The following SORL1 variants were observed in gnomAD, a reference collection of about 807,000 sequenced individuals.
SORL1 encodes the protein sortilin-related receptor.
In SORL1, 127 loss-of-function variants were observed where a neutral mutation model predicts 273.7. The ratio of observed to expected loss-of-function variants is 0.46; its 90% CI spans 0.40 to 0.54. The LOEUF (loss-of-function observed/expected upper bound fraction) is 0.54, where lower values mean the gene tolerates loss of function less well. Ranked by LOEUF, SORL1 falls within the 20% of genes least tolerant of loss-of-function variation. The pLI, the probability that SORL1 is intolerant of heterozygous loss-of-function variation, is 0.00. For missense variants in SORL1, 2,494 were observed against 2,846.1 expected, an observed-to-expected ratio of 0.88 and a Z score of 2.81; for synonymous variants, 1,031 against 1,067.4, an observed-to-expected ratio of 0.97 and a Z score of 0.66.
chr11:121,572,819 C>T lies in SORL1; in HGVS notation c.3338-1422C>T, dbSNP rs187159278. On this transcript the variant is annotated intron_variant, in intron 23 of 47. Transcript: ENST00000260197. ...CTCAGGGTTTTGACGCGAATCCCTGCAGTCTTGTCATTTTGCATTCATCCC... is the reference window on the plus strand; with the variant it reads ...CTCAGGGTTTTGACGCGAATCCCTGTAGTCTTGTCATTTTGCATTCATCCC... Among the ~76,000 whole-genome samples the T allele has an allele frequency of 2.4e-3, 371 of 152,236 alleles. 1 individual carries two copies. The highest frequency in any genetic ancestry group is 8.4e-3 in the African/African-American group (350 of 41,534).
At chr11:121,545,547 A>G in intron 14 of SORL1, 118 bp downstream of exon 14, 1 of 909,772 alleles carries the variant, frequency 1.1e-6, no homozygotes, top group Non-Finnish European at 1.7e-6. Flanking sequence ...GAAGGAAACA[A>G]GTATTTGTGA....
chr11:121,518,414 G>A (rs1383587760), intron 8 of SORL1, among the ~76,000 whole-genome samples: 1 of 152,170 alleles, frequency 6.6e-6, no homozygotes, highest in East Asian at 1.9e-4. Context: ...GAGCATGTGA[G>A]GTACAGGAAG....
chr11:121,579,872 C>T (rs1474689790), intron 25 of SORL1, among the ~76,000 whole-genome samples: 2 of 152,194 alleles, frequency 1.3e-5, no homozygotes, highest in Admixed American at 6.5e-5. Context: ...GAGTGGCAAA[C>T]TCTTTCAAGG....
Position 121,630,237 on chromosome 11 carries a change from T to A in SORL1, c.*674T>A, listed in dbSNP as rs1478172372. ...GCAGGAGAGAGCACTGAGTCATTGC[T>A]GGAGTTCAGTTCAACAGAGCTGCAG... is the stretch of plus-strand genomic sequence containing the variant. On this transcript the variant is annotated 3_prime_UTR_variant, in exon 48 of 48. Transcript: ENST00000260197. 3 of 152,334 alleles carry A rather than the reference T, an allele frequency of 2.0e-5. No individual in the cohort carries two copies. The highest frequency in any genetic ancestry group is 4.4e-5 in the Non-Finnish European group (3 of 68,128). The allele number at this position is 152,334 out of a possible 1,614,324, so 9.4% of individuals were successfully genotyped here. A position where few individuals can be genotyped will look rare whatever the true frequency, so the allele number is the denominator to read the frequency against.
At chr11:121,496,746 G>A (rs766541228) in intron 5 of SORL1, 123 bp from the exon 6 acceptor site, 11 of 736,324 alleles carry the variant, frequency 1.5e-5, no homozygotes, top group Non-Finnish European at 2.4e-5. Context: ...GGCACAGAGA[G>A]TATGATCTGT....
intron 12 of SORL1, among the ~76,000 whole-genome samples, chr11:121,533,396 C>T (rs761693908): frequency 3.9e-5 from 6 of 152,096 alleles, no homozygotes; most frequent in East Asian, 1.9e-4. Flanking sequence ...TTTTCGATTG[C>T]GTCCTACATT....
At chr11:121,490,784 T>G (rs1209016168) in intron 5 of SORL1, among the ~76,000 whole-genome samples, 3 of 152,108 alleles carry the variant, frequency 2.0e-5, no homozygotes, top group Non-Finnish European at 4.4e-5. Flanking sequence ...TCATAACATT[T>G]TCTTGAATGT....
chr11:121,490,664 C>T (rs901552843), intron 5 of SORL1, among the ~76,000 whole-genome samples: 1 of 148,224 alleles, frequency 6.7e-6, no homozygotes, highest in Non-Finnish European at 1.5e-5. Flanking sequence ...CTGCTTCAAC[C>T]TGGGAGGCAG....
chr11:121,586,715 G>C (rs1386401801), intron 27 of SORL1, among the ~76,000 whole-genome samples: 4 of 126,028 alleles, frequency 3.2e-5, no homozygotes, highest in Admixed American at 2.4e-4. Context: ...CGGGGGGGGG[G>C]CATTTTTAGG....
In SORL1 at chr11:121,466,183, A is replaced by G. The variant is rs114865708; in HGVS notation, c.286-3824A>G. Among the ~76,000 whole-genome samples, 718 of 152,284 alleles carry G rather than the reference A, an allele frequency of 4.7e-3. 5 individuals are homozygous for G. Among genetic ancestry groups the G allele is most frequent in the African/African-American group, 0.017 (692 of 41,550 alleles). On this transcript the variant is annotated intron_variant, in intron 1 of 47. Coordinates refer to ENST00000260197, the MANE Select transcript of SORL1 (RefSeq NM_003105.6). ...AAGCTCCAGCTATGCCCTGTGAGCT[A>G]GACAGGGGAGAGGGAAGGTTGTTCA...
intron 24 of SORL1, chr11:121,577,019 A>G (rs770852261): frequency 2.4e-5 from 33 of 1,365,418 alleles, no homozygotes; most frequent in Non-Finnish European, 3.2e-5. Context: ...ATGAATGGAC[A>G]AGGATGCTGT....
rs772783758 is a variant in SORL1, at chr11:121,574,229, A to C, written c.3338-12A>C. On this transcript the variant is annotated splice_polypyrimidine_tract_variant and intron_variant, in intron 23 of 47. Coordinates refer to ENST00000260197, the MANE Select transcript of SORL1 (RefSeq NM_003105.6). Reference sequence around the variant, plus strand: ...TACCTAAGGAATATGTTGTCTTTCTATCCCATTTTAGCTACCACCATCTGT... The same window carrying C: ...TACCTAAGGAATATGTTGTCTTTCTCTCCCATTTTAGCTACCACCATCTGT... 6.2e-7 allele frequency: 1 copy of C among 1,613,422 alleles called. No homozygotes were observed. The highest frequency in any genetic ancestry group is 2.2e-5 in the East Asian group (1 of 44,872).
chr11:121,478,700 CTG>C (rs977822963), intron 3 of SORL1, among the ~76,000 whole-genome samples: 1 of 149,080 alleles, frequency 6.7e-6, no homozygotes, highest in Non-Finnish European at 1.5e-5. Flanking sequence ...GTGTGGGTAC[CTG>C]TGTGTGTGTG....
intron 21 of SORL1, among the ~76,000 whole-genome samples, chr11:121,562,566 G>A (rs1047055809): frequency 6.6e-6 from 1 of 152,144 alleles, no homozygotes; most frequent in African/African-American, 2.4e-5. Context: ...TGATGCTGCC[G>A]GCTCATTAGT....
intron 41 of SORL1, among the ~76,000 whole-genome samples, chr11:121,616,299 G>T (rs1863639768): frequency 6.6e-6 from 1 of 152,152 alleles, no homozygotes; most frequent in Non-Finnish European, 1.5e-5. Flanking sequence ...ACTAAAGGTG[G>T]CTTTCAGAGG....
At chr11:121,517,583 T>C (rs1488098416) in intron 8 of SORL1, among the ~76,000 whole-genome samples, 1 of 152,260 alleles carries the variant, frequency 6.6e-6, no homozygotes, top group Non-Finnish European at 1.5e-5. Context: ...TTTTCTCGTC[T>C]TCCTCATTTG....
intron 43 of SORL1, among the ~76,000 whole-genome samples, chr11:121,620,598 C>A (rs10892760): frequency 0.39 from 59,615 of 151,798 alleles, 13,332 homozygotes; most frequent in South Asian, 0.57. Context: ...TTACTATATG[C>A]CCTGTTATTT....
At chr11:121,604,798 T>C (rs1863444502) in intron 33 of SORL1, among the ~76,000 whole-genome samples, 1 of 152,170 alleles carries the variant, frequency 6.6e-6, no homozygotes, top group Non-Finnish European at 1.5e-5. Flanking sequence ...GGAGGGATTG[T>C]ATAGGGAGGT....
chr11:121,620,313 A>G (rs993001170), intron 43 of SORL1, among the ~76,000 whole-genome samples: 5 of 152,196 alleles, frequency 3.3e-5, no homozygotes, highest in Non-Finnish European at 5.9e-5. Context: ...CTTTCATGCA[A>G]TGATCAGCAG....
Sources: gnomAD v4.1 joint callset for allele counts (sites outside exome capture counted in the v4.1 genomes callset) on GRCh38, gnomAD v4.1.1 for gene constraint, MANE v1.5 for transcripts, NCBI Gene and HGNC (gene_info 2026-07-23, HGNC 2026-07-21) for gene names.